ZSWIM5: variants seen among roughly 807,000 people sequenced by gnomAD.
ZSWIM5 encodes zinc finger SWIM-type containing 5, also known as zinc finger SWIM domain-containing protein 5.
ZSWIM5 carries 55 observed loss-of-function variants against 119.6 expected under a neutral mutation model. That is an observed-to-expected ratio of 0.46 (90% confidence interval 0.37 to 0.58). ZSWIM5 has a LOEUF of 0.58. Among genes scored for constraint, ZSWIM5 ranks in the 20% least tolerant of loss-of-function variants. The probability of loss-of-function intolerance (pLI) is 0.00; values close to 1 mark genes in which losing one functional copy is unlikely to be tolerated. For missense variants in ZSWIM5, 1,193 were observed against 1,512.8 expected, an observed-to-expected ratio of 0.79 and a Z score of 3.51; for synonymous variants, 537 against 606.9, an observed-to-expected ratio of 0.88 and a Z score of 1.69.
At chr1:45,028,882 A>T (rs1260124103) in intron 11 of ZSWIM5, among the ~76,000 whole-genome samples, 4 of 152,246 alleles carry the variant, frequency 2.6e-5, no homozygotes, top group Admixed American at 1.3e-4. Context: ...CAGGAGTTCA[A>T]GACCAGCTAG....
intron 11 of ZSWIM5, among the ~76,000 whole-genome samples, chr1:45,026,945 TG>T (rs1018349704): frequency 1.9e-4 from 29 of 152,326 alleles, no homozygotes; most frequent in Admixed American, 3.3e-4. Flanking sequence ...TTTGGTAGAT[TG>T]TTTTTTTCAA....
At chr1:45,187,502 G>C (rs1222827413) in intron 1 of ZSWIM5, among the ~76,000 whole-genome samples, 1 of 151,764 alleles carries the variant, frequency 6.6e-6, no homozygotes, top group Non-Finnish European at 1.5e-5. Flanking sequence ...AGAAAACATG[G>C]TAGTAAATCT....
intron 1 of ZSWIM5, among the ~76,000 whole-genome samples, chr1:45,119,632 T>G (rs1645579060): frequency 6.6e-6 from 1 of 152,226 alleles, no homozygotes; most frequent in African/African-American, 2.4e-5. Flanking sequence ...GTTTCCAATC[T>G]CAGTTTCTCT....
At chr1:45,022,614 T>A (rs1308261853) in intron 11 of ZSWIM5, among the ~76,000 whole-genome samples, 2 of 152,212 alleles carry the variant, frequency 1.3e-5, no homozygotes, top group Non-Finnish European at 2.9e-5. Flanking sequence ...ATAGACTGTG[T>A]CTTTAGAGTA....
rs1193689993 is a variant in ZSWIM5 at position 45,017,809 on chromosome 1, A to T, written c.*645T>A. On this transcript the variant is annotated 3_prime_UTR_variant, in exon 14 of 14. Transcript: ENST00000359600. ...CAGTCCTGGCCTCTGTCCCTCACTC[A>T]CCACTGGACTATAAATGCCCTGTCT... The T allele has an allele frequency of 1.3e-5, 2 of 153,130 alleles. No individual in the cohort carries two copies. The highest frequency in any genetic ancestry group is 4.8e-5 in the African/African-American group (2 of 41,424). The allele number at this position is 153,130 out of a possible 1,614,324, so 9.5% of individuals were successfully genotyped here. A position where few individuals can be genotyped will look rare whatever the true frequency, so the allele number is the denominator to read the frequency against.
chr1:45,184,517 A>T (rs895143169), intron 1 of ZSWIM5, among the ~76,000 whole-genome samples: 1 of 152,196 alleles, frequency 6.6e-6, no homozygotes, highest in African/African-American at 2.4e-5. Flanking sequence ...CTCAGCCCAA[A>T]ATCTCCTTAA....
At chr1:45,107,285 G>A (rs1645486913) in intron 1 of ZSWIM5, among the ~76,000 whole-genome samples, 1 of 152,050 alleles carries the variant, frequency 6.6e-6, no homozygotes. Flanking sequence ...GGTAAAATGA[G>A]AGGCATTTGT....
At chr1:45,157,541 T>C (rs889199540) in intron 1 of ZSWIM5, among the ~76,000 whole-genome samples, 1 of 152,214 alleles carries the variant, frequency 6.6e-6, no homozygotes, top group Admixed American at 6.5e-5. Flanking sequence ...TATTGCTGAA[T>C]AGTAGTCCAT....
At chr1:45,069,250 C>T (rs1427268622) in intron 2 of ZSWIM5, among the ~76,000 whole-genome samples, 2 of 152,082 alleles carry the variant, frequency 1.3e-5, no homozygotes, top group East Asian at 1.9e-4. Flanking sequence ...CACGGTGACA[C>T]CCCGTCTCTA....
intron 1 of ZSWIM5, among the ~76,000 whole-genome samples, chr1:45,115,955 A>G (rs1347810760): frequency 6.6e-6 from 1 of 152,164 alleles, no homozygotes; most frequent in East Asian, 1.9e-4. Flanking sequence ...CACTCCAGCA[A>G]AAACCAGTCA....
At chr1:45,196,207 A>G (rs1175506082) in intron 1 of ZSWIM5, among the ~76,000 whole-genome samples, 2 of 150,262 alleles carry the variant, frequency 1.3e-5, no homozygotes, top group East Asian at 2.0e-4. Flanking sequence ...GCATTTCTCA[A>G]CCTCGGCTGC....
At chr1:45,125,296 G>C (rs1306092374) in intron 1 of ZSWIM5, among the ~76,000 whole-genome samples, 1 of 151,852 alleles carries the variant, frequency 6.6e-6, no homozygotes, top group Non-Finnish European at 1.5e-5. Context: ...AAAGGTAACA[G>C]GAAAATCACC....
chr1:45,153,399 A>G (rs1645809362), intron 1 of ZSWIM5, among the ~76,000 whole-genome samples: 1 of 151,748 alleles, frequency 6.6e-6, no homozygotes. Context: ...ACCACTACTC[A>G]GGAGGCTGAG....
chr1:45,052,112 C>T (rs1645092657), intron 4 of ZSWIM5, among the ~76,000 whole-genome samples: 1 of 151,170 alleles, frequency 6.6e-6, no homozygotes, highest in Non-Finnish European at 1.5e-5. Context: ...AAGCAATTCT[C>T]CAGCCTCAGC....
At chr1:45,070,339 T>C (rs1645214095) in intron 2 of ZSWIM5, 15 of 1,412,202 alleles carry the variant, frequency 1.1e-5, no homozygotes, top group African/African-American at 1.4e-5. Context: ...TACACAGTCA[T>C]GGCCAACGGC....
At chr1:45,123,819 C>T (rs973330764) in intron 1 of ZSWIM5, among the ~76,000 whole-genome samples, 1 of 152,142 alleles carries the variant, frequency 6.6e-6, no homozygotes, top group African/African-American at 2.4e-5. Flanking sequence ...CATAGTTAAA[C>T]TTCTGAAAAC....
At chr1:45,148,899 T>A (rs999786034) in intron 1 of ZSWIM5, among the ~76,000 whole-genome samples, 1 of 152,236 alleles carries the variant, frequency 6.6e-6, no homozygotes, top group African/African-American at 2.4e-5. Flanking sequence ...TTTTTCTTCC[T>A]TCAATTTGTA....
At chr1:45,021,321 T>G (rs1159274541) in intron 11 of ZSWIM5, among the ~76,000 whole-genome samples, 3 of 152,294 alleles carry the variant, frequency 2.0e-5, no homozygotes, top group Middle Eastern at 3.4e-3. Flanking sequence ...CAGAAATAAT[T>G]TTCTTGAACA....
chr1:45,199,104 T>G (rs1646142727), intron 1 of ZSWIM5, among the ~76,000 whole-genome samples: 1 of 152,194 alleles, frequency 6.6e-6, no homozygotes, highest in Non-Finnish European at 1.5e-5. Flanking sequence ...AGTTACTCCA[T>G]ATACTTGTCA....
Sources: gnomAD v4.1 joint callset for allele counts (sites outside exome capture counted in the v4.1 genomes callset) on GRCh38, gnomAD v4.1.1 for gene constraint, MANE v1.5 for transcripts, NCBI Gene and HGNC (gene_info 2026-07-23, HGNC 2026-07-21) for gene names.